GADL1: variants seen among roughly 807,000 people sequenced by gnomAD.
GADL1 encodes the protein GAD like acidic amino acid decarboxylase 1, also known as acidic amino acid decarboxylase GADL1.
A neutral mutation model predicts 69.5 loss-of-function variants in GADL1; 71 were observed. That is an observed-to-expected ratio of 1.02 (90% CI 0.84 to 1.25). The LOEUF (loss-of-function observed/expected upper bound fraction) is 1.25, where lower values mean the gene tolerates loss of function less well. GADL1 is among the 50% of genes most tolerant of loss of function. The probability of loss-of-function intolerance (pLI) is 0.00; values close to 1 mark genes in which losing one functional copy is unlikely to be tolerated. For missense variants in GADL1, 737 were observed against 631.8 expected, an observed-to-expected ratio of 1.17 and a Z score of -1.79; for synonymous variants, 254 against 214.4, an observed-to-expected ratio of 1.18 and a Z score of -1.62.
In GADL1 at chr3:30,834,284, G is replaced by C; in HGVS notation, c.904-3C>G. 6.2e-7 allele frequency: 1 copy of C among 1,611,496 alleles called. No homozygotes were observed. Among genetic ancestry groups the C allele is most frequent in the Non-Finnish European group, 8.5e-7 (1 of 1,178,032 alleles). On this transcript the variant is annotated splice_polypyrimidine_tract_variant and splice_region_variant and intron_variant, in intron 9 of 14. Coordinates refer to ENST00000282538, the MANE Select transcript of GADL1 (RefSeq NM_207359.3). ...AAAGCTGAGCCACCCCAAGAAGCCT[G>C]TTGAGATATTTACAGTACCAGAACA... is the stretch of plus-strand genomic sequence containing the variant.
chr3:30,818,514 GC>G (rs1264225151), intron 11 of GADL1, among the ~76,000 whole-genome samples: 8 of 152,054 alleles, frequency 5.3e-5, no homozygotes, highest in African/African-American at 1.9e-4. Flanking sequence ...AATAATTTCT[GC>G]CTCCCCTTGT....
intron 11 of GADL1, among the ~76,000 whole-genome samples, chr3:30,822,987 A>C (rs958248854): frequency 6.6e-6 from 1 of 152,026 alleles, no homozygotes; most frequent in African/African-American, 2.4e-5. Flanking sequence ...GCTGCTAATT[A>C]TTAAAAATTC....
intron 14 of GADL1, among the ~76,000 whole-genome samples, chr3:30,732,536 G>A (rs182285881): frequency 6.6e-6 from 1 of 152,140 alleles, no homozygotes; most frequent in African/African-American, 2.4e-5. Flanking sequence ...GTTGCACATC[G>A]CTGTAGCACC....
At chr3:30,775,967 C>T (rs1696527004) in intron 14 of GADL1, among the ~76,000 whole-genome samples, 2 of 152,136 alleles carry the variant, frequency 1.3e-5, no homozygotes, top group South Asian at 4.1e-4. Context: ...TGCCTGTGAT[C>T]ACAGCTACTC....
intron 1 of GADL1, among the ~76,000 whole-genome samples, chr3:30,893,504 C>T (rs1480975905): frequency 1.3e-5 from 2 of 152,078 alleles, no homozygotes; most frequent in Non-Finnish European, 2.9e-5. Context: ...CAGCTTTATA[C>T]CCATTGACCT....
intron 2 of GADL1, among the ~76,000 whole-genome samples, chr3:30,859,750 C>T (rs994536863): frequency 5.9e-5 from 9 of 151,856 alleles, no homozygotes; most frequent in African/African-American, 2.2e-4. Flanking sequence ...TATATATCTG[C>T]AGGCTACCTT....
chr3:30,788,802 G>A (rs1696853730), intron 12 of GADL1, among the ~76,000 whole-genome samples: 2 of 152,132 alleles, frequency 1.3e-5, no homozygotes, highest in South Asian at 4.2e-4. Context: ...CACTTTCTTT[G>A]CTCATCCATA....
At chr3:30,843,257 C>T (rs1169708327) in intron 8 of GADL1, among the ~76,000 whole-genome samples, 1 of 112,762 alleles carries the variant, frequency 8.9e-6, no homozygotes, top group African/African-American at 4.3e-5. Context: ...TAATGATACA[C>T]CTTTTTTTTT....
intron 12 of GADL1, among the ~76,000 whole-genome samples, chr3:30,788,197 G>A (rs531115668): frequency 4.0e-4 from 61 of 152,244 alleles, no homozygotes; most frequent in African/African-American, 1.5e-3. Context: ...TATCAGAAAA[G>A]TTATTCAAAA....
At chr3:30,840,435 G>A (rs1168374730) in intron 8 of GADL1, among the ~76,000 whole-genome samples, 2 of 152,128 alleles carry the variant, frequency 1.3e-5, no homozygotes, top group East Asian at 1.9e-4. Flanking sequence ...TTAGAGCCAA[G>A]TCAGTAGGTG....
At position 30,787,309 on chromosome 3, in the gene GADL1, G is replaced by A. The variant is rs748612086; in HGVS notation, c.1251-903C>T. On this transcript the variant is annotated intron_variant, in intron 12 of 14. Coordinates refer to ENST00000282538, the MANE Select transcript of GADL1 (RefSeq NM_207359.3). ...AAGAGAATTGTCACACCTAAGTAAA[G>A]GGCATAGATGAAATATGGAATATGA... Among the ~76,000 whole-genome samples the A allele has an allele frequency of 5.9e-4, 90 of 152,234 alleles. 1 individual carries two copies. Among genetic ancestry groups the A allele is most frequent in the Middle Eastern group, 3.4e-3 (1 of 294 alleles).
At chr3:30,817,947 G>A (rs928378510) in intron 11 of GADL1, among the ~76,000 whole-genome samples, 1 of 152,210 alleles carries the variant, frequency 6.6e-6, no homozygotes, top group African/African-American at 2.4e-5. Context: ...TATGGAACTG[G>A]AGATACGGAA....
intron 1 of GADL1, among the ~76,000 whole-genome samples, chr3:30,889,268 T>G (rs1698752646): frequency 6.6e-6 from 1 of 152,058 alleles, no homozygotes; most frequent in African/African-American, 2.4e-5. Flanking sequence ...GTCCCTCCCA[T>G]GATGTGTGGA....
At chr3:30,751,517 T>C (rs1695817064) in intron 14 of GADL1, among the ~76,000 whole-genome samples, 1 of 151,320 alleles carries the variant, frequency 6.6e-6, no homozygotes, top group Non-Finnish European at 1.5e-5. Context: ...GATCTTGTAA[T>C]GCTATTTGCC....
At chr3:30,868,895 AG>A (rs764252250) in intron 1 of GADL1, among the ~76,000 whole-genome samples, 10 of 151,898 alleles carry the variant, frequency 6.6e-5, no homozygotes, top group Non-Finnish European at 1.0e-4. Context: ...GGGGAGGCCA[AG>A]GAGCTCTTCA....
intron 14 of GADL1, among the ~76,000 whole-genome samples, chr3:30,763,886 T>C (rs1419983104): frequency 1.3e-5 from 2 of 152,048 alleles, no homozygotes; most frequent in Admixed American, 6.5e-5. Context: ...TAAAATGATA[T>C]AATTTGGTTA....
At chr3:30,788,938 T>A (rs959708179) in intron 12 of GADL1, among the ~76,000 whole-genome samples, 1 of 151,464 alleles carries the variant, frequency 6.6e-6, no homozygotes, top group Non-Finnish European at 1.5e-5. Context: ...CTTCCTTCCC[T>A]GAAGTCTTAT....
chr3:30,783,590 C>T (rs1696721102), intron 13 of GADL1, among the ~76,000 whole-genome samples: 1 of 152,138 alleles, frequency 6.6e-6, no homozygotes, highest in East Asian at 1.9e-4. Context: ...AGCAAAAAGA[C>T]TATCAACTTT....
intron 1 of GADL1, among the ~76,000 whole-genome samples, chr3:30,874,094 G>T (rs1370602775): frequency 6.6e-6 from 1 of 151,934 alleles, no homozygotes; most frequent in Non-Finnish European, 1.5e-5. Flanking sequence ...TTGCTGAGTA[G>T]GGTTTGCAAA....
Sources: allele counts gnomAD v4.1 joint callset (sites outside exome capture counted in the v4.1 genomes callset), GRCh38; gene constraint gnomAD v4.1.1; transcripts MANE v1.5; gene names NCBI Gene and HGNC (gene_info 2026-07-23, HGNC 2026-07-21).